The following METTL21C variants were observed in gnomAD, a reference collection of about 807,000 sequenced individuals.
METTL21C encodes the protein protein-lysine methyltransferase METTL21C.
A neutral mutation model predicts 25.9 loss-of-function variants in METTL21C; 21 were observed. The observed-to-expected ratio is 0.81, with a 90% CI of 0.58 to 1.17. The LOEUF (loss-of-function observed/expected upper bound fraction) is 1.17. METTL21C is among the 50% of genes most tolerant of loss of function. The probability of loss-of-function intolerance (pLI) is 0.00; values close to 1 mark genes in which losing one functional copy is unlikely to be tolerated. For missense variants in METTL21C, 312 were observed against 315.1 expected (o/e 0.99, Z 0.07); for synonymous variants, 125 against 124.7 (o/e 1.00, Z -0.01).
intron 2 of METTL21C, among the ~76,000 whole-genome samples, chr13:102,687,763 C>T (rs1885714217): frequency 6.6e-6 from 1 of 152,142 alleles, no homozygotes; most frequent in South Asian, 2.1e-4. Context: ...GCCCATGTAC[C>T]CACTTTGAGT....
At chr13:102,698,255 AAG>A (rs1885977703), upstream of METTL21C, among the ~76,000 whole-genome samples, 1 of 152,172 alleles carries the variant, frequency 6.6e-6, no homozygotes, top group Non-Finnish European at 1.5e-5. Context: ...TCATATGGAA[AAG>A]CTGAGCATCT....
intron 1 of METTL21C, among the ~76,000 whole-genome samples, chr13:102,692,905 C>A (rs994806819): frequency 5.9e-5 from 9 of 152,180 alleles, no homozygotes; most frequent in African/African-American, 2.2e-4. Flanking sequence ...TCTAGCAGAA[C>A]CCCAGCTCCC....
the METTL21C span, among the ~76,000 whole-genome samples, chr13:102,703,557 A>AAC: frequency 3.8e-3 from 583 of 152,342 alleles, 15 homozygotes; most frequent in South Asian, 0.067. Context: ...TCGCAAAGAT[A>AAC]GTTCTTGGCG....
Position 102,694,408 on chromosome 13 carries a change from C to T in METTL21C, c.91G>A (p.Gly31Arg). ...CCGGTGCTGTCTTTCTGCGGAGCCC[C>T]CTTCTTCTCAGCCTCTAACCAGCCA... ...PGGWLEAEKKGAPQKDSTGGV... is the reference protein window; with the variant it reads ...PGGWLEAEKKRAPQKDSTGGV... The change falls in exon 1 of 4, where the codon GGG (glycine) becomes AGG (arginine). Residue 31 changes from glycine (G) to arginine (R), a missense_variant. Coordinates refer to ENST00000267273, the MANE Select transcript of METTL21C (RefSeq NM_001010977.3). 1 of 1,487,316 alleles carries T rather than the reference C, an allele frequency of 6.7e-7. No homozygotes were observed. Among genetic ancestry groups the T allele is most frequent in the Non-Finnish European group, 8.9e-7 (1 of 1,125,994 alleles). The allele number at this position is 1,487,316 out of a possible 1,614,324, so 92.1% of individuals were successfully genotyped here.
At chr13:102,687,447 G>C (rs1002300949) in intron 2 of METTL21C, among the ~76,000 whole-genome samples, 1 of 152,204 alleles carries the variant, frequency 6.6e-6, no homozygotes, top group Non-Finnish European at 1.5e-5. Context: ...TCTTGTAAGA[G>C]AGTTTTTTAA....
At chr13:102,698,610 T>A (rs1036118472), upstream of METTL21C, among the ~76,000 whole-genome samples, 2 of 152,148 alleles carry the variant, frequency 1.3e-5, no homozygotes, top group Admixed American at 1.3e-4. Flanking sequence ...CACATCCTGA[T>A]AATTTCATCC....
At chr13:102,699,242 A>G (rs1424455935), upstream of METTL21C, among the ~76,000 whole-genome samples, 1 of 152,178 alleles carries the variant, frequency 6.6e-6, no homozygotes, top group African/African-American at 2.4e-5. Context: ...CCCTTTCTAC[A>G]GTGGAAAATA....
intron 1 of METTL21C, among the ~76,000 whole-genome samples, chr13:102,691,279 C>T (rs558772069): frequency 6.6e-6 from 1 of 151,764 alleles, no homozygotes; most frequent in African/African-American, 2.4e-5. Flanking sequence ...GGAAAAATGG[C>T]GAACTTACCA....
rs748112651 is a variant in METTL21C at position 102,686,283 on chromosome 13, G to T, written c.543C>A (p.Pro181=). 15 of 1,614,046 alleles carry T rather than the reference G, an allele frequency of 9.3e-6. No individual in the cohort carries two copies. The highest frequency in any genetic ancestry group is 1.3e-5 in the Non-Finnish European group (15 of 1,180,032). Residue 181 remains proline (P), a synonymous_variant, in exon 4 of 4, where the codon CCC becomes CCA. Transcript: ENST00000267273. ...VWGEDLDKNF[P]KSAFYYDYVL... ...CGTAATCATAGTAAAAAGCTGACTT[G>T]GGAAAGTTTTTGTCCAGGTCTTCCC...
In METTL21C at chr13:102,689,130, A is replaced by G. The variant is rs148026773; in HGVS notation, c.282+1683T>C. 3.7e-4 allele frequency among the ~76,000 whole-genome samples: 56 copies of G among 152,090 alleles called. No individual in the cohort carries two copies. The East Asian group carries it at 0.01, about 28-fold the overall frequency. ...TTTAAAAGGGAGATGGGGTCTCACTATGTTGCCCAGGCTGGTCTCAAACTC... is the reference window on the plus strand; with the variant it reads ...TTTAAAAGGGAGATGGGGTCTCACTGTGTTGCCCAGGCTGGTCTCAAACTC... On this transcript the variant is annotated intron_variant, in intron 2 of 3. Transcript: ENST00000267273.
At chr13:102,689,353 C>G (rs1390853954) in intron 2 of METTL21C, among the ~76,000 whole-genome samples, 2 of 152,138 alleles carry the variant, frequency 1.3e-5, no homozygotes, top group East Asian at 3.9e-4. Context: ...CAAAGAAAAG[C>G]CTTTAGTTGA....
chr13:102,703,275 G>A, the METTL21C span, among the ~76,000 whole-genome samples: 2 of 152,268 alleles, frequency 1.3e-5, no homozygotes, highest in South Asian at 4.1e-4. Context: ...CTTTCCTAGA[G>A]CTTAGTCAAT....
upstream of METTL21C, among the ~76,000 whole-genome samples, chr13:102,696,025 T>C (rs898937690): frequency 1.3e-5 from 2 of 152,200 alleles, no homozygotes; most frequent in African/African-American, 4.8e-5. Context: ...GTTGATCTCC[T>C]TTAATTCTAC....
In METTL21C at chr13:102,685,979, T is replaced by C; in HGVS notation, c.*52A>G. The C allele has an allele frequency of 1.3e-6, 2 of 1,517,800 alleles. No individual in the cohort carries two copies. 94.0% of individuals were successfully genotyped at this position (1,517,800 alleles called of 1,614,324 possible). ...AGAAGTCTATTACCAAAGCAATTTC[T>C]AACACATTGCTCAAAAGACACAGTA... On this transcript the variant is annotated 3_prime_UTR_variant, in exon 4 of 4. Transcript: ENST00000267273.
At chr13:102,691,004 C>T in intron 1 of METTL21C, 40 bp from the exon 2 acceptor site, 1 of 1,606,242 alleles carries the variant, frequency 6.2e-7, no homozygotes, top group Non-Finnish European at 8.5e-7. Flanking sequence ...ATGATTTGTT[C>T]AAATCCAGTG....
intron 1 of METTL21C, among the ~76,000 whole-genome samples, chr13:102,692,225 A>T (rs1885849347): frequency 6.6e-6 from 1 of 152,146 alleles, no homozygotes. Context: ...AGGCAGGAGG[A>T]GGTGAATACG....
chr13:102,687,850 CCTTT>C lies in METTL21C; in HGVS notation c.283-797_283-794del, dbSNP rs573113953. On this transcript the variant is annotated intron_variant, in intron 2 of 3. Coordinates refer to ENST00000267273, the MANE Select transcript of METTL21C (RefSeq NM_001010977.3). ...TTTTTTATACAGGAAATCAAACTTC[CCTTT>C]CTTCTTTATTCGTTCTCTTCTCCCT... is the stretch of plus-strand genomic sequence containing the variant. Among the ~76,000 whole-genome samples, 627 of 152,254 alleles carry C rather than the reference CCTTT, an allele frequency of 4.1e-3. 2 individuals carry two copies. Among genetic ancestry groups the C allele is most frequent in the Middle Eastern group, 0.014 (4 of 294 alleles).
In METTL21C at chr13:102,694,524, G is replaced by A; in HGVS notation, c.-26C>T. On this transcript the variant is annotated 5_prime_UTR_variant, in exon 1 of 4. Transcript: ENST00000267273. Reference sequence around the variant, plus strand: ...AGCCGGCTGTCCCAAAGACAGCTGTGCATTGAAAAGCAATCTACAAAAGAA... The same window carrying A: ...AGCCGGCTGTCCCAAAGACAGCTGTACATTGAAAAGCAATCTACAAAAGAA... The A allele has an allele frequency of 1.9e-6, 1 of 527,784 alleles. No individual in the cohort carries two copies. Among genetic ancestry groups the A allele is most frequent in the Non-Finnish European group, 2.6e-6 (1 of 391,398 alleles). 32.7% of individuals were successfully genotyped at this position (527,784 alleles called of 1,614,324 possible). A position where few individuals can be genotyped will look rare whatever the true frequency, so the allele number is the denominator to read the frequency against.
chr13:102,702,605 G>A, the METTL21C span, among the ~76,000 whole-genome samples: 1 of 127,440 alleles, frequency 7.8e-6, no homozygotes, highest in Non-Finnish European at 1.7e-5. Context: ...TTTTTTTTTT[G>A]AGACGGAGTC....
Sources: gnomAD v4.1 joint callset for allele counts (sites outside exome capture counted in the v4.1 genomes callset) on GRCh38, gnomAD v4.1.1 for gene constraint, MANE v1.5 for transcripts, NCBI Gene and HGNC (gene_info 2026-07-23, HGNC 2026-07-21) for gene names.